Variants in MYO5C observed in about 807,000 individuals in gnomAD.
MYO5C encodes the protein unconventional myosin-Vc.
MYO5C carries 194 observed loss-of-function variants against 235.7 expected under a neutral mutation model. The ratio of observed to expected loss-of-function variants is 0.82; its 90% CI spans 0.73 to 0.93. MYO5C has a LOEUF of 0.93. Ranked by LOEUF, MYO5C falls within the 40% of genes least tolerant of loss-of-function variation. MYO5C has a pLI of 0.00. For synonymous variants in MYO5C, 707 were observed against 754.8 expected, an observed-to-expected ratio of 0.94 and a Z score of 1.04; for missense variants, 2,038 against 2,127.2, an observed-to-expected ratio of 0.96 and a Z score of 0.82.
rs183743738 is a variant in MYO5C at position 52,277,256 on chromosome 15, G to A, written c.450-1538C>T. 1.7e-4 allele frequency: 87 copies of A among 527,016 alleles called. 3 individuals are homozygous for A. Among genetic ancestry groups the A allele is most frequent in the African/African-American group, 1.4e-3 (71 of 51,366 alleles). The allele number at this position is 527,016 out of a possible 1,614,324, so 32.6% of individuals were successfully genotyped here. A position where few individuals can be genotyped will look rare whatever the true frequency, so the allele number is the denominator to read the frequency against. On this transcript the variant is annotated intron_variant, in intron 4 of 40. Coordinates refer to ENST00000261839, the MANE Select transcript of MYO5C (RefSeq NM_018728.4). ...CTTTGGGCTCCGTTCTGTTATGGCA[G>A]TTACACAGACAGACCTCCAAGGAGA...
intron 22 of MYO5C, among the ~76,000 whole-genome samples, chr15:52,236,369 T>C (rs918722296): frequency 6.6e-6 from 1 of 152,166 alleles, no homozygotes; most frequent in Admixed American, 6.5e-5. Context: ...CCCTGGGTGC[T>C]AGGACTTTGA....
chr15:52,259,984 C>G (rs1205561990), intron 10 of MYO5C, among the ~76,000 whole-genome samples: 1 of 152,214 alleles, frequency 6.6e-6, no homozygotes, highest in Non-Finnish European at 1.5e-5. Context: ...CTCCAGGATG[C>G]CTTTCATGGG....
intron 32 of MYO5C, 152 bp from the exon 33 acceptor site, chr15:52,214,842 A>T (rs567134702): frequency 1.9e-6 from 1 of 517,798 alleles, no homozygotes; most frequent in South Asian, 2.9e-5. Flanking sequence ...GTGTAGTCAG[A>T]GTTGTGCTAC....
rs1205439163 is a variant in MYO5C at position 52,232,239 on chromosome 15, A to G, written c.3026+383T>C. Reference sequence around the variant, plus strand: ...AAGAAAATGAAAGAAAGAAGAAAGAAAGAAGGAAGGAGAGAAGGAAGGAAG... The same window carrying G: ...AAGAAAATGAAAGAAAGAAGAAAGAGAGAAGGAAGGAGAGAAGGAAGGAAG... On this transcript the variant is annotated intron_variant, in intron 24 of 40. Coordinates refer to ENST00000261839, the MANE Select transcript of MYO5C (RefSeq NM_018728.4). 4.3e-4 allele frequency among the ~76,000 whole-genome samples: 63 copies of G among 147,988 alleles called. 13 individuals carry two copies. The highest frequency in any genetic ancestry group is 1.5e-3 in the African/African-American group (59 of 40,094).
chr15:52,252,774 C>CAA (rs71425736), intron 12 of MYO5C, among the ~76,000 whole-genome samples: 6,903 of 140,836 alleles, frequency 0.049, 315 homozygotes, highest in African/African-American at 0.12. Flanking sequence ...GACTCCGTCT[C>CAA]AAAAAAAAAA....
rs377189982 is a variant in MYO5C at position 52,235,685 on chromosome 15, T to A, written c.2947A>T (p.Thr983Ser). The A allele has an allele frequency of 1.2e-6, 2 of 1,611,612 alleles. No individual in the cohort carries two copies. The highest frequency in any genetic ancestry group is 2.7e-5 in the African/African-American group (2 of 74,910). ...EQIQLKLQEKTEELKEKMDNL... is the reference protein window; with the variant it reads ...EQIQLKLQEKSEELKEKMDNL... ...CAAGCTTTACCTTTTAACTCTTCAG[T>A]CTTCTCTTGAAGCTTCAGCTGTATT... is the stretch of plus-strand genomic sequence containing the variant. Residue 983 changes from threonine to serine, a missense_variant, in exon 23 of 41, where the codon ACT becomes TCT. Transcript: ENST00000261839.
At position 52,256,666 on chromosome 15, in the gene MYO5C, A is replaced by G; in HGVS notation, c.1368T>C (p.Asn456=). ...TGTTAAACTGTTGTTGCAGTTTTTC[A>G]TTAGCGTAATTGATGCAAAATTGTT... The part of the protein sequence containing the change: ...SFEQFCINYA[N]EKLQQQFNMH... The change falls in exon 11 of 41, where the codon AAT becomes AAC. Residue 456 remains asparagine (N), a synonymous_variant. Transcript: ENST00000261839. 2 of 1,607,272 alleles carry G rather than the reference A, an allele frequency of 1.2e-6. No individual in the cohort carries two copies. Among genetic ancestry groups the G allele is most frequent in the East Asian group, 2.4e-5 (1 of 42,328 alleles).
chr15:52,246,321 G>A (rs1248289295), intron 16 of MYO5C, among the ~76,000 whole-genome samples: 1 of 152,188 alleles, frequency 6.6e-6, no homozygotes, highest in East Asian at 1.9e-4. Context: ...CGACAACCAG[G>A]TGGAAAGAAA....
At position 52,247,538 on chromosome 15, in the gene MYO5C, C is replaced by T. The variant is rs765503682; in HGVS notation, c.1801G>A (p.Gly601Ser). 2 of 1,613,912 alleles carry T rather than the reference C, an allele frequency of 1.2e-6. No individual in the cohort carries two copies. Among genetic ancestry groups the T allele is most frequent in the African/African-American group, 2.7e-5 (2 of 74,884 alleles). The change falls in exon 15 of 41, where the codon GGT becomes AGT. Residue 601 changes from glycine to serine, a missense_variant. Physicochemically the swap from Gly to Ser is moderately conservative, Grantham distance 56. Coordinates refer to ENST00000261839, the MANE Select transcript of MYO5C (RefSeq NM_018728.4). ...GCAGATTTAACTGTAATCATTGAAC[C>T]AAAAGGAGAAGGAGGAGTTGGATTT... is the stretch of plus-strand genomic sequence containing the variant. The part of the protein sequence containing the change: ...QENPTPPSPF[G>S]SMITVKSAKQ...
chr15:52,262,844 T>A (rs1462437287), intron 9 of MYO5C, among the ~76,000 whole-genome samples: 1 of 152,186 alleles, frequency 6.6e-6, no homozygotes. Flanking sequence ...GACTGAACAT[T>A]TGTGTCCCTC....
chr15:52,291,729 A>ATTTTTTTTT (rs1317823747), intron 1 of MYO5C, among the ~76,000 whole-genome samples: 8 of 46,720 alleles, frequency 1.7e-4, no homozygotes, highest in Admixed American at 4.9e-4. Context: ...TGCATATTTT[A>ATTTTTTTTT]TGTTTTTTTT....
At chr15:52,228,622 ATACT>A (rs1240793134) in intron 25 of MYO5C, among the ~76,000 whole-genome samples, 1 of 152,248 alleles carries the variant, frequency 6.6e-6, no homozygotes. Flanking sequence ...ATCACCTCAA[ATACT>A]TGTCATTTTT....
chr15:52,194,746 A>G (rs117021832), intron 40 of MYO5C, among the ~76,000 whole-genome samples: 1,966 of 151,310 alleles, frequency 0.013, 24 homozygotes, highest in Admixed American at 0.021. Flanking sequence ...ATTTTAATAT[A>G]TATGCTATAT....
intron 11 of MYO5C, among the ~76,000 whole-genome samples, chr15:52,253,998 G>C (rs114360753): frequency 6.6e-6 from 1 of 151,188 alleles, no homozygotes; most frequent in African/African-American, 2.4e-5. Context: ...GTGGGGTAGG[G>C]TGGGGTGGGG....
chr15:52,273,285 C>T (rs2036965235), intron 5 of MYO5C, among the ~76,000 whole-genome samples: 1 of 152,124 alleles, frequency 6.6e-6, no homozygotes, highest in African/African-American at 2.4e-5. Context: ...ATTGCACCAC[C>T]GCACTCCAGC....
chr15:52,293,423 A>T (rs192045105), intron 1 of MYO5C, among the ~76,000 whole-genome samples: 1 of 151,970 alleles, frequency 6.6e-6, no homozygotes, highest in Non-Finnish European at 1.5e-5. Flanking sequence ...GGCAGGGCCC[A>T]TCCCCTCCCT....
At chr15:52,211,687 C>T (rs777942295) in intron 35 of MYO5C, 43 bp downstream of exon 35, 1 of 1,595,842 alleles carries the variant, frequency 6.3e-7, no homozygotes, top group South Asian at 1.1e-5. Context: ...TGGTCATTCC[C>T]ATAGATGTGA....
chr15:52,270,737 G>T (rs1229720702), intron 7 of MYO5C, among the ~76,000 whole-genome samples: 1 of 151,812 alleles, frequency 6.6e-6, no homozygotes, highest in Middle Eastern at 3.4e-3. Context: ...AAATAGTAGA[G>T]GATCTTTCAG....
intron 35 of MYO5C, among the ~76,000 whole-genome samples, chr15:52,210,850 T>C (rs1344059082): frequency 6.6e-6 from 1 of 152,242 alleles, no homozygotes; most frequent in South Asian, 2.1e-4. Context: ...AAATTAGCAA[T>C]AAACTTTATG....
Sources: allele counts gnomAD v4.1 joint callset (sites outside exome capture counted in the v4.1 genomes callset), GRCh38; gene constraint gnomAD v4.1.1; transcripts MANE v1.5; gene names NCBI Gene and HGNC (gene_info 2026-07-23, HGNC 2026-07-21).